The following DLL3 variants were observed in gnomAD, a reference collection of about 807,000 sequenced individuals.
DLL3 encodes the protein delta-like protein 3.
A neutral mutation model predicts 55.0 loss-of-function variants in DLL3; 49 were observed. The observed-to-expected ratio is 0.89, with a 90% confidence interval of 0.71 to 1.13. The LOEUF (loss-of-function observed/expected upper bound fraction) is 1.13. DLL3 is among the 50% of genes most tolerant of loss of function. The pLI is 0.00. For synonymous variants in DLL3, 421 were observed against 385.2 expected (o/e 1.09, Z -1.09); for missense variants, 962 against 875.5 (o/e 1.10, Z -1.25).
chr19:39,506,953 T>A, intron 6 of DLL3, 86 bp from the exon 7 acceptor site: 1 of 1,396,946 alleles, frequency 7.2e-7, no homozygotes, highest in Non-Finnish European at 9.7e-7. Context: ...GGGGACCCCG[T>A]GCAGCGATGA....
intron 6 of DLL3, among the ~76,000 whole-genome samples, chr19:39,506,369 A>G (rs1048556673): frequency 2.0e-5 from 3 of 148,028 alleles, no homozygotes; most frequent in South Asian, 2.1e-4. Context: ...TCCGTTTCGA[A>G]AAAAAAAAAA....
intron 7 of DLL3, 64 bp downstream of exon 7, chr19:39,507,682 G>C (rs2079652763): frequency 6.3e-7 from 1 of 1,587,130 alleles, no homozygotes. Flanking sequence ...TCTCCGTGGT[G>C]CAGTTGGCCC....
At chr19:39,504,671 G>A (rs2079630325) in intron 5 of DLL3, among the ~76,000 whole-genome samples, 1 of 152,164 alleles carries the variant, frequency 6.6e-6, no homozygotes, top group South Asian at 2.1e-4. Context: ...AAGGCTTCCT[G>A]GAGGTGGCCC....
At position 39,499,441 on chromosome 19, in the gene DLL3, C is replaced by A; in HGVS notation, c.319C>A (p.Leu107Ile). ...PAPDLPLPDG[L>I]LQVPFRDAWP... ...GCCTGATCTCCCACTGCCCGACGGC[C>A]TCTTGCAGGTGCCCTTCCGGGACGC... is the stretch of plus-strand genomic sequence containing the variant. Residue 107 changes from leucine (L) to isoleucine (I), a missense_variant, in exon 2 of 9, where the codon CTC becomes ATC. By Grantham distance (5) the Leu-to-Ile change is conservative. Transcript: ENST00000356433. 6.3e-7 allele frequency: 1 copy of A among 1,591,682 alleles called. No individual in the cohort carries two copies. Among genetic ancestry groups the A allele is most frequent in the Non-Finnish European group, 8.5e-7 (1 of 1,176,694 alleles).
At position 39,504,197 on chromosome 19, in the gene DLL3, C is replaced by A. The variant is rs748649010; in HGVS notation, c.779C>A (p.Pro260His). 33 of 1,612,568 alleles carry A rather than the reference C, an allele frequency of 2.0e-5. 1 individual carries two copies. In the Middle Eastern group the frequency reaches 8.2e-4, roughly 40 times the overall value. The change falls in exon 5 of 9, where the codon CCC (proline) becomes CAC (histidine). Residue 260 changes from proline (P) to histidine (H), a missense_variant. By Grantham distance (77) the Pro-to-His change is moderately conservative (BLOSUM62 -2). Transcript: ENST00000356433. Reference protein sequence around the residue: ...VPVSTSSCLSPRGPSSATTGC... With the variant: ...VPVSTSSCLSHRGPSSATTGC... ...GTCTCCACCAGCAGCTGCCTCAGCC[C>A]CAGGGGCCCGTCCTCTGCTACCACC...
chr19:39,502,351 C>T (rs1050998225), intron 3 of DLL3, among the ~76,000 whole-genome samples: 3 of 151,792 alleles, frequency 2.0e-5, no homozygotes, highest in African/African-American at 4.8e-5. Flanking sequence ...GCAACCTCCA[C>T]TTCTGGGTGC....
At chr19:39,506,367 G>GAA (rs58063380) in intron 6 of DLL3, among the ~76,000 whole-genome samples, 116 of 103,760 alleles carry the variant, frequency 1.1e-3, no homozygotes, top group African/African-American at 3.2e-3. Context: ...ACTCCGTTTC[G>GAA]AAAAAAAAAA....
At position 39,507,429 on chromosome 19, in the gene DLL3, C is replaced by T. The variant is rs750189228; in HGVS notation, c.1484C>T (p.Pro495Leu). The change falls in exon 7 of 9, where the codon CCG becomes CTG. Residue 495 changes from proline to leucine, a missense_variant. Pro to Leu is a moderately conservative substitution (Grantham distance 98). Transcript: ENST00000356433. Reference protein sequence around the residue: ...PGDPQRYLLPPALGLLVAAGV... With the variant: ...PGDPQRYLLPLALGLLVAAGV... ...GACCCTCAGCGCTACCTTTTGCCTC[C>T]GGCTCTGGGACTGCTCGTGGCCGCG... 60 of 1,593,460 alleles carry T rather than the reference C, an allele frequency of 3.8e-5. No individual in the cohort carries two copies. The highest frequency in any genetic ancestry group is 5.0e-5 in the Non-Finnish European group (58 of 1,171,552).
intron 2 of DLL3, among the ~76,000 whole-genome samples, chr19:39,500,351 C>T (rs2079602448): frequency 6.6e-6 from 1 of 151,222 alleles, no homozygotes; most frequent in Admixed American, 6.6e-5. Flanking sequence ...ATTGCTTGAG[C>T]CTCGGAGGTT....
rs747003629 is a variant in DLL3, at chr19:39,498,956, A to AC, written c.-12dup. ...GAAGCCAGCAGCTGCGACTCCCGAG[A>AC]CCCCCCCACCAGAAGGCCATGGTCT... On this transcript the variant is annotated 5_prime_UTR_variant, in exon 1 of 9. Coordinates refer to ENST00000356433, the MANE Select transcript of DLL3 (RefSeq NM_203486.3). The AC allele has an allele frequency of 4.7e-5, 76 of 1,609,672 alleles. No individual in the cohort carries two copies. In the East Asian group the frequency reaches 8.9e-4, roughly 19 times the overall value.
At chr19:39,504,405 G>T in intron 5 of DLL3, 117 bp downstream of exon 5, 1 of 1,196,514 alleles carries the variant, frequency 8.4e-7, no homozygotes. Context: ...ATAACTATCA[G>T]GGAGGTCTTC....
At chr19:39,504,681 C>T (rs957387361) in intron 5 of DLL3, among the ~76,000 whole-genome samples, 2 of 151,900 alleles carry the variant, frequency 1.3e-5, no homozygotes, top group East Asian at 1.9e-4. Flanking sequence ...GGAGGTGGCC[C>T]GGGGCTGGGG....
At chr19:39,507,732 C>G in intron 7 of DLL3, 98 bp from the exon 8 acceptor site, 3 of 1,601,570 alleles carry the variant, frequency 1.9e-6, no homozygotes, top group Non-Finnish European at 2.6e-6. Context: ...TCTCTTACCC[C>G]GGTAGCTGGT....
rs537538122 is a variant in DLL3 at position 39,505,203 on chromosome 19, T to C, written c.871-26T>C. 6.1e-5 allele frequency: 98 copies of C among 1,610,964 alleles called. No homozygotes were observed. The South Asian group carries it at 1.0e-3, about 17-fold the overall frequency. ...GGATTTTTCTCCAAGGAAACACCCT[T>C]CTCAAGTACTCTTGTCCCTGCCCAG... On this transcript the variant is annotated intron_variant, in intron 5 of 8. Coordinates refer to ENST00000356433, the MANE Select transcript of DLL3 (RefSeq NM_203486.3).
At position 39,502,881 on chromosome 19, in the gene DLL3, C is replaced by A; in HGVS notation, c.476C>A (p.Ala159Asp). 1 of 1,439,478 alleles carries A rather than the reference C, an allele frequency of 6.9e-7. No individual in the cohort carries two copies. The highest frequency in any genetic ancestry group is 1.4e-5 in the South Asian group (1 of 72,548). The allele number at this position is 1,439,478 out of a possible 1,614,324, so 89.2% of individuals were successfully genotyped here. ...RRRLAAGGPW[A>D]RDIQRAGAWE... is the part of the protein sequence containing the mutation. ...CGCTTGGCAGCCGGAGGCCCGTGGGCCCGGGACATTCAGCGCGCAGGCGCC... is the reference window on the plus strand; with the variant it reads ...CGCTTGGCAGCCGGAGGCCCGTGGGACCGGGACATTCAGCGCGCAGGCGCC... The change falls in exon 4 of 9, where the codon GCC (alanine) becomes GAC (aspartate). Residue 159 changes from alanine to aspartate, a missense_variant. Transcript: ENST00000356433.
chr19:39,503,056 G>T lies in DLL3; in HGVS notation c.651G>T (p.Pro217=), dbSNP rs2079620465. 6.6e-7 allele frequency: 1 copy of T among 1,521,838 alleles called. No individual in the cohort carries two copies. Among genetic ancestry groups the T allele is most frequent in the Admixed American group, 2.0e-5 (1 of 49,960 alleles). 94.3% of individuals were successfully genotyped at this position (1,521,838 alleles called of 1,614,324 possible). Residue 217 remains proline, a splice_region_variant and synonymous_variant, in exon 4 of 9, where the codon CCG becomes CCT. Coordinates refer to ENST00000356433, the MANE Select transcript of DLL3 (RefSeq NM_203486.3). Reference sequence around the variant, plus strand: ...CGCTCGAGGACGAATGTGAGGCGCCGCGTGAGTCCTGCGTTCGACCCCACC... The same window carrying T: ...CGCTCGAGGACGAATGTGAGGCGCCTCGTGAGTCCTGCGTTCGACCCCACC... ...CAPLEDECEA[P]LVCRAGCSPE...
At position 39,507,162 on chromosome 19, in the gene DLL3, G is replaced by C; in HGVS notation, c.1217G>C (p.Cys406Ser). Residue 406 changes from cysteine (C) to serine (S), a missense_variant, in exon 7 of 9, where the codon TGT (cysteine) becomes TCT (serine). Physicochemically the swap from Cys to Ser is moderately radical, Grantham distance 112 (BLOSUM62 -1). Coordinates refer to ENST00000356433, the MANE Select transcript of DLL3 (RefSeq NM_203486.3). ...CGCGCCTGCGCTAACGGCGGCACGTGTGTGGAGGGCGGCGGCGCGCACCGC... is the reference window on the plus strand; with the variant it reads ...CGCGCCTGCGCTAACGGCGGCACGTCTGTGGAGGGCGGCGGCGCGCACCGC... ...AGRACANGGT[C>S]VEGGGAHRCS... 1 of 1,431,766 alleles carries C rather than the reference G, an allele frequency of 7.0e-7. No homozygotes were observed. Among genetic ancestry groups the C allele is most frequent in the Non-Finnish European group, 9.1e-7 (1 of 1,101,618 alleles). The allele number at this position is 1,431,766 out of a possible 1,614,324, so 88.7% of individuals were successfully genotyped here. A position where few individuals can be genotyped will look rare whatever the true frequency, so the allele number is the denominator to read the frequency against.
At chr19:39,502,462 A>G (rs528256467) in intron 3 of DLL3, among the ~76,000 whole-genome samples, 3 of 151,928 alleles carry the variant, frequency 2.0e-5, no homozygotes, top group Non-Finnish European at 4.4e-5. Flanking sequence ...TTTAGTAGAG[A>G]CGGTTTCACC....
chr19:39,503,314 C>G (rs1325942655), intron 4 of DLL3, among the ~76,000 whole-genome samples: 2 of 152,206 alleles, frequency 1.3e-5, no homozygotes, highest in African/African-American at 2.4e-5. Context: ...CTCTCCAGCC[C>G]TGCCTTGCTA....
Sources: allele counts gnomAD v4.1 joint callset (sites outside exome capture counted in the v4.1 genomes callset), GRCh38; gene constraint gnomAD v4.1.1; transcripts MANE v1.5; gene names NCBI Gene and HGNC (gene_info 2026-07-23, HGNC 2026-07-21).